The following SLC4A4 variants were observed in gnomAD, a reference collection of about 807,000 sequenced individuals.
SLC4A4 encodes electrogenic sodium bicarbonate cotransporter 1.
A neutral mutation model predicts 111.5 loss-of-function variants in SLC4A4; 27 were observed. That is an observed-to-expected ratio of 0.24 (90% confidence interval 0.18 to 0.33). The LOEUF (loss-of-function observed/expected upper bound fraction) is 0.33. Ranked by LOEUF, SLC4A4 falls within the 10% of genes least tolerant of loss-of-function variation. The pLI, the probability that SLC4A4 is intolerant of heterozygous loss-of-function variation, is 1.00. For missense variants in SLC4A4, 909 were observed against 1,315.5 expected (o/e 0.69, Z 4.78); for synonymous variants, 443 against 463.4 (o/e 0.96, Z 0.57).
At chr4:71,257,638 A>G (rs902995892) in intron 3 of SLC4A4, among the ~76,000 whole-genome samples, 1 of 152,136 alleles carries the variant, frequency 6.6e-6, no homozygotes, top group African/African-American at 2.4e-5. Flanking sequence ...CTATACTATT[A>G]TTGTCTCTCA....
At chr4:71,531,014 C>T (rs1185216583) in intron 16 of SLC4A4, among the ~76,000 whole-genome samples, 4 of 151,998 alleles carry the variant, frequency 2.6e-5, no homozygotes, top group South Asian at 4.1e-4. Flanking sequence ...TGAATTGTAT[C>T]GGTTTTATTT....
In SLC4A4 at chr4:71,326,591, A is replaced by G. The variant is rs1038119602; in HGVS notation, c.254-12779A>G. On this transcript the variant is annotated intron_variant, in intron 3 of 25. Transcript: ENST00000264485. ...CTAACAGGTTTGTTTTGAGGATTCA[A>G]TGAGATTGTCATTCATGCGAAGCAT... Among the ~76,000 whole-genome samples, 4 of 152,074 alleles carry G rather than the reference A, an allele frequency of 2.6e-5. No individual in the cohort carries two copies. The East Asian group carries it at 5.8e-4, about 22-fold the overall frequency.
intron 2 of SLC4A4, among the ~76,000 whole-genome samples, chr4:71,247,904 C>T (rs1015741582): frequency 3.3e-5 from 5 of 152,040 alleles, no homozygotes; most frequent in Admixed American, 6.6e-5. Context: ...TATTCTGTCT[C>T]GTTGGAGCAA....
intron 6 of SLC4A4, among the ~76,000 whole-genome samples, chr4:71,358,036 C>T (rs4074380): frequency 0.61 from 92,677 of 151,992 alleles, 30,876 homozygotes; most frequent in Non-Finnish European, 0.75. Context: ...GAGATGAGGC[C>T]GGGCGCGGTG....
chr4:71,458,272 C>T (rs2149087270), intron 12 of SLC4A4, among the ~76,000 whole-genome samples: 1 of 152,146 alleles, frequency 6.6e-6, no homozygotes, highest in East Asian at 1.9e-4. Context: ...TTATGGATTA[C>T]TTAGTCTATG....
intron 1 of SLC4A4, among the ~76,000 whole-genome samples, chr4:71,067,352 T>C (rs1741547101): frequency 6.6e-6 from 1 of 152,214 alleles, no homozygotes; most frequent in Non-Finnish European, 1.5e-5. Context: ...TTATAATCTC[T>C]TAAAAATGTT....
chr4:71,480,749 G>A (rs1441243156), intron 14 of SLC4A4, among the ~76,000 whole-genome samples: 3 of 151,644 alleles, frequency 2.0e-5, no homozygotes, highest in African/African-American at 7.3e-5. Flanking sequence ...AGTTTTTCTT[G>A]TTCACATCGG....
intron 6 of SLC4A4, among the ~76,000 whole-genome samples, chr4:71,386,863 T>C (rs1231459706): frequency 6.6e-6 from 1 of 152,224 alleles, no homozygotes; most frequent in African/African-American, 2.4e-5. Flanking sequence ...TGCTCAATTG[T>C]ACATTTGTAC....
In SLC4A4 at chr4:71,447,715, C is replaced by T; in HGVS notation, c.1035C>T (p.Ala345=). ...KSYHEIGRAI[A]TLMSDEVFHD... is the part of the protein sequence containing the mutation. ...ACCACGAGATTGGCAGAGCCATTGC[C>T]ACCCTGATGTCTGATGAGGTAGGAA... The change falls in exon 9 of 26, where the codon GCC becomes GCT. Residue 345 remains alanine, a synonymous_variant. Coordinates refer to ENST00000264485, the MANE Select transcript of SLC4A4 (RefSeq NM_001098484.3). The T allele has an allele frequency of 6.2e-7, 1 of 1,609,906 alleles. No individual in the cohort carries two copies. The highest frequency in any genetic ancestry group is 8.5e-7 in the Non-Finnish European group (1 of 1,176,460).
rs555851282 is a variant in SLC4A4, at chr4:71,517,495, T to C, written c.2167-14567T>C. Among the ~76,000 whole-genome samples the C allele has an allele frequency of 2.6e-5, 4 of 152,300 alleles. No homozygotes were observed. The East Asian group carries it at 7.7e-4, about 29-fold the overall frequency. On this transcript the variant is annotated intron_variant, in intron 16 of 25. Coordinates refer to ENST00000264485, the MANE Select transcript of SLC4A4 (RefSeq NM_001098484.3). ...GTAAGTAATTTCAGTCTCTGTTACA[T>C]TTCTAGTTTTGGTCATTTATTGTTT...
chr4:71,345,795 G>A (rs1283598440), intron 4 of SLC4A4, among the ~76,000 whole-genome samples: 1 of 152,036 alleles, frequency 6.6e-6, no homozygotes. Flanking sequence ...TTTTCTGTAA[G>A]AAAAAGACTC....
At chr4:71,349,624 T>G (rs1729634770) in intron 4 of SLC4A4, among the ~76,000 whole-genome samples, 2 of 152,184 alleles carry the variant, frequency 1.3e-5, no homozygotes, top group South Asian at 4.1e-4. Context: ...AAATAATTGG[T>G]CTTAAGGATC....
At chr4:71,410,274 T>G (rs1450185780) in intron 7 of SLC4A4, among the ~76,000 whole-genome samples, 1 of 152,074 alleles carries the variant, frequency 6.6e-6, no homozygotes, top group East Asian at 1.9e-4. Flanking sequence ...CTGGAAAAGC[T>G]GAAGACACTC....
intron 16 of SLC4A4, among the ~76,000 whole-genome samples, chr4:71,514,530 A>T (rs979478193): frequency 1.3e-5 from 2 of 152,296 alleles, no homozygotes; most frequent in East Asian, 3.9e-4. Context: ...TAATACAGAA[A>T]AATTCCCTCC....
chr4:71,270,349 C>CA (rs1722615869), intron 3 of SLC4A4, among the ~76,000 whole-genome samples: 1 of 152,186 alleles, frequency 6.6e-6, no homozygotes. Context: ...CTCGGCCTCC[C>CA]AAAGTGCTGG....
chr4:71,128,729 T>C (rs982120127), intron 2 of SLC4A4, among the ~76,000 whole-genome samples: 5 of 152,118 alleles, frequency 3.3e-5, no homozygotes, highest in Admixed American at 3.3e-4. Context: ...ACTCAAGCAA[T>C]TTGACTGACT....
chr4:71,559,694 A>G (rs1261595498), intron 22 of SLC4A4, among the ~76,000 whole-genome samples: 2 of 151,858 alleles, frequency 1.3e-5, no homozygotes, highest in Non-Finnish European at 2.9e-5. Context: ...CTTGATTGCT[A>G]AAAACCTTTA....
At chr4:71,488,191 A>G (rs1729591221) in intron 15 of SLC4A4, among the ~76,000 whole-genome samples, 2 of 149,980 alleles carry the variant, frequency 1.3e-5, no homozygotes, top group Admixed American at 6.7e-5. Context: ...TAATAAAAAC[A>G]TAAGTTAATT....
chr4:71,432,455 C>A (rs1412419195), intron 7 of SLC4A4, among the ~76,000 whole-genome samples: 4 of 152,092 alleles, frequency 2.6e-5, no homozygotes, highest in Admixed American at 6.5e-5. Flanking sequence ...ACAGTCTTGG[C>A]AACTTGATGT....
Sources: allele counts gnomAD v4.1 joint callset (sites outside exome capture counted in the v4.1 genomes callset), GRCh38; gene constraint gnomAD v4.1.1; transcripts MANE v1.5; gene names NCBI Gene and HGNC (gene_info 2026-07-23, HGNC 2026-07-21).